The following MYL12A variants were observed in gnomAD, a reference collection of about 807,000 sequenced individuals.
The protein encoded by MYL12A is myosin regulatory light chain 12A.
MYL12A carries 11 observed loss-of-function variants against 13.3 expected under a neutral mutation model. That is an observed-to-expected ratio of 0.83 (90% CI 0.52 to 1.37). The LOEUF (loss-of-function observed/expected upper bound fraction) is 1.37. Among genes scored for constraint, MYL12A ranks in the 40% most tolerant of loss-of-function variants. MYL12A has a pLI of 0.00. For synonymous variants in MYL12A, 51 were observed against 69.9 expected (o/e 0.73, Z 1.35); for missense variants, 146 against 212.3 (o/e 0.69, Z 1.94).
chr18:3,255,590 G>T (rs2081528575), intron 3 of MYL12A, 156 bp from the exon 4 acceptor site: 6 of 910,668 alleles, frequency 6.6e-6, no homozygotes, highest in Non-Finnish European at 9.4e-6. Context: ...GCACTTCTCT[G>T]CTGAGGCTGT....
intron 1 of MYL12A, chr18:3,249,233 G>C (rs1254222676): frequency 1.3e-5 from 2 of 152,168 alleles, no homozygotes; most frequent in Non-Finnish European, 2.9e-5. Flanking sequence ...ATAGTTTCTA[G>C]AGATTCTGAA....
intron 1 of MYL12A, 140 bp from the exon 2 acceptor site, chr18:3,253,093 C>T (rs772516659): frequency 1.2e-6 from 1 of 865,620 alleles, no homozygotes; most frequent in Non-Finnish European, 1.8e-6. Context: ...TGAGATGTGT[C>T]TTCTAAAGAC....
intron 1 of MYL12A, among the ~76,000 whole-genome samples, chr18:3,250,582 A>C (rs1020695945): frequency 6.6e-6 from 1 of 152,220 alleles, no homozygotes; most frequent in African/African-American, 2.4e-5. Flanking sequence ...CATAGATCAG[A>C]ATCCAGCCTC....
chr18:3,252,597 A>C (rs2081496935), intron 1 of MYL12A: 1 of 629,738 alleles, frequency 1.6e-6, no homozygotes, highest in Non-Finnish European at 2.3e-6. Flanking sequence ...CCAGTGATTT[A>C]GTGTGACTGT....
intron 1 of MYL12A, chr18:3,252,204 C>T: frequency 1.3e-6 from 1 of 752,648 alleles, no homozygotes; most frequent in South Asian, 2.0e-5. Context: ...TTATCCTGGT[C>T]AGAGTGAAAT....
At chr18:3,250,590 C>T (rs539427807) in intron 1 of MYL12A, among the ~76,000 whole-genome samples, 1 of 152,306 alleles carries the variant, frequency 6.6e-6, no homozygotes, top group East Asian at 1.9e-4. Context: ...AGAATCCAGC[C>T]TCCTTGAAAA....
chr18:3,252,270 C>G (rs2081493669), intron 1 of MYL12A: 18 of 1,452,760 alleles, frequency 1.2e-5, no homozygotes, highest in South Asian at 7.4e-5. Flanking sequence ...CAGTGTCTTA[C>G]TTTTGCTGCT....
chr18:3,253,829 C>T (rs1356642696), intron 2 of MYL12A, 60 bp from the exon 3 acceptor site: 4 of 1,489,198 alleles, frequency 2.7e-6, no homozygotes, highest in African/African-American at 1.4e-5. Flanking sequence ...TGTTTACTGT[C>T]ATTAATAGTT....
At position 3,254,123 on chromosome 18, in the gene MYL12A, T is replaced by G; in HGVS notation, c.343+73T>G. 3.3e-6 allele frequency: 5 copies of G among 1,496,350 alleles called. No individual in the cohort carries two copies. The South Asian group carries it at 4.8e-5, about 14-fold the overall frequency. The allele number at this position is 1,496,350 out of a possible 1,614,324, so 92.7% of individuals were successfully genotyped here. ...ATGGTAACTAAAATATACAGTAACT[T>G]AAAATATGATAACGCTCTCAGGTTT... is the stretch of plus-strand genomic sequence containing the variant. On this transcript the variant is annotated intron_variant, in intron 3 of 3. Coordinates refer to ENST00000217652, the MANE Select transcript of MYL12A (RefSeq NM_006471.4).
intron 2 of MYL12A, 140 bp from the exon 3 acceptor site, chr18:3,253,749 C>T (rs2081510505): frequency 2.1e-6 from 2 of 964,592 alleles, no homozygotes; most frequent in African/African-American, 1.7e-5. Context: ...AGAAAACTTT[C>T]CCCCCAAATA....
chr18:3,250,986 A>G (rs2081479260), intron 1 of MYL12A, among the ~76,000 whole-genome samples: 2 of 152,082 alleles, frequency 1.3e-5, no homozygotes, highest in African/African-American at 4.8e-5. Context: ...GATAGGACAC[A>G]TGCCTTACAT....
chr18:3,249,511 A>T (rs555089474), intron 1 of MYL12A: 1 of 152,230 alleles, frequency 6.6e-6, no homozygotes, highest in South Asian at 2.1e-4. Flanking sequence ...CATGCATCTG[A>T]AATCCTCATA....
intron 1 of MYL12A, chr18:3,248,741 C>T (rs2144320187): frequency 6.6e-6 from 1 of 152,308 alleles, no homozygotes; most frequent in African/African-American, 2.4e-5. Context: ...AGTCAGCCCT[C>T]ACAGCTAATT....
At chr18:3,252,197 T>C in intron 1 of MYL12A, 2 of 707,704 alleles carry the variant, frequency 2.8e-6, no homozygotes, top group Non-Finnish European at 4.5e-6. Context: ...AAAATTGTTA[T>C]CCTGGTCAGA....
Position 3,254,787 on chromosome 18 carries a change from G to A in MYL12A, c.343+737G>A, listed in dbSNP as rs550523590. Among the ~76,000 whole-genome samples, 25 of 152,350 alleles carry A rather than the reference G, an allele frequency of 1.6e-4. No homozygotes were observed. In the South Asian group the frequency reaches 2.5e-3, roughly 15 times the overall value. On this transcript the variant is annotated intron_variant, in intron 3 of 3. Transcript: ENST00000217652. ...AAAACATAATGAGGGAATATTTTCC[G>A]TGATTCCCAGCTCAACATGGCGTAG...
intron 3 of MYL12A, 105 bp from the exon 4 acceptor site, chr18:3,255,641 T>C (rs2081529242): frequency 7.4e-7 from 1 of 1,356,380 alleles, no homozygotes; most frequent in African/African-American, 1.5e-5. Flanking sequence ...TATTTGCATG[T>C]TTATAGTTTG....
At chr18:3,252,577 T>A in intron 1 of MYL12A, 1 of 815,684 alleles carries the variant, frequency 1.2e-6, no homozygotes, top group Non-Finnish European at 1.7e-6. Flanking sequence ...TTTAGAGATC[T>A]TAGATACTTC....
intron 1 of MYL12A, among the ~76,000 whole-genome samples, chr18:3,251,315 T>A (rs6506089): frequency 0.8 from 121,572 of 152,098 alleles, 49,257 homozygotes; most frequent in East Asian, 0.94. Flanking sequence ...TAAATTTAGT[T>A]ATATGAGATT....
chr18:3,253,551 T>C (rs1350898449), intron 2 of MYL12A, 123 bp downstream of exon 2: 5 of 1,209,848 alleles, frequency 4.1e-6, no homozygotes, highest in East Asian at 2.4e-5. Context: ...TTGAGTAAAG[T>C]GTGGAACAGT....
Sources: allele counts gnomAD v4.1 joint callset (sites outside exome capture counted in the v4.1 genomes callset), GRCh38; gene constraint gnomAD v4.1.1; transcripts MANE v1.5; gene names NCBI Gene and HGNC (gene_info 2026-07-23, HGNC 2026-07-21).